Variants in CHCHD3 observed in about 807,000 individuals in gnomAD.
CHCHD3 encodes MICOS complex subunit MIC19.
A neutral mutation model predicts 38.2 loss-of-function variants in CHCHD3; 20 were observed. The observed-to-expected ratio is 0.52, with a 90% CI of 0.37 to 0.76. The LOEUF (loss-of-function observed/expected upper bound fraction) is 0.76, where lower values mean the gene tolerates loss of function less well. Ranked by LOEUF, CHCHD3 falls within the 30% of genes least tolerant of loss-of-function variation. The pLI is 0.00. For missense variants in CHCHD3, 245 were observed against 279.2 expected (o/e 0.88, Z 0.87); for synonymous variants, 82 against 100.0 (o/e 0.82, Z 1.07).
At chr7:132,897,974 C>T (rs1809546386) in intron 4 of CHCHD3, among the ~76,000 whole-genome samples, 1 of 152,020 alleles carries the variant, frequency 6.6e-6, no homozygotes, top group African/African-American at 2.4e-5. Context: ...CTGGCGGGTT[C>T]GTGGTCTCGC....
intron 4 of CHCHD3, among the ~76,000 whole-genome samples, chr7:132,967,159 G>A (rs10250380): frequency 0.01 from 1,580 of 152,294 alleles, 25 homozygotes; most frequent in African/African-American, 0.036. Flanking sequence ...CAAGTAACTT[G>A]ATGAATTTTC....
chr7:132,820,917 C>A (rs1807358616), intron 6 of CHCHD3, among the ~76,000 whole-genome samples: 2 of 152,092 alleles, frequency 1.3e-5, no homozygotes, highest in South Asian at 4.1e-4. Context: ...CTAACAATGG[C>A]TGCATTTTGT....
At position 132,895,877 on chromosome 7, in the gene CHCHD3, T is replaced by G. The variant is rs986482083; in HGVS notation, c.370-10132A>C. Reference sequence around the variant, plus strand: ...ACTACTACAAGAGGATTGTTGGTTGTTTGAGATCAAATACAAAAAGCCTCA... The same window carrying G: ...ACTACTACAAGAGGATTGTTGGTTGGTTGAGATCAAATACAAAAAGCCTCA... On this transcript the variant is annotated intron_variant, in intron 4 of 7. Coordinates refer to ENST00000262570, the MANE Select transcript of CHCHD3 (RefSeq NM_017812.4). Among the ~76,000 whole-genome samples, 4 of 152,232 alleles carry G rather than the reference T, an allele frequency of 2.6e-5. No homozygotes were observed. The East Asian group carries it at 5.8e-4, about 22-fold the overall frequency.
intron 6 of CHCHD3, among the ~76,000 whole-genome samples, chr7:132,820,531 G>A (rs991984945): frequency 9.9e-5 from 15 of 150,804 alleles, no homozygotes; most frequent in Non-Finnish European, 2.1e-4. Flanking sequence ...CTGCACCTGT[G>A]ATTGAGTTAG....
intron 4 of CHCHD3, among the ~76,000 whole-genome samples, chr7:132,954,477 C>T (rs1435023785): frequency 6.6e-6 from 1 of 152,156 alleles, no homozygotes; most frequent in Non-Finnish European, 1.5e-5. Context: ...TTTGTGGACA[C>T]AGGGTCAGGG....
chr7:132,824,476 G>A (rs558185689), intron 6 of CHCHD3, among the ~76,000 whole-genome samples: 23 of 152,054 alleles, frequency 1.5e-4, no homozygotes, highest in Admixed American at 1.4e-3. Context: ...CCGCCACCAC[G>A]CCAGGCTAAT....
At chr7:132,812,200 CTTTTTT>C (rs71529779) in intron 6 of CHCHD3, among the ~76,000 whole-genome samples, 6 of 81,062 alleles carry the variant, frequency 7.4e-5, no homozygotes, top group East Asian at 9.9e-4. Flanking sequence ...TTTTTCTTTT[CTTTTTT>C]TTTTTTTTTT....
chr7:132,815,670 T>C (rs1563243697), intron 6 of CHCHD3: 2 of 449,386 alleles, frequency 4.5e-6, no homozygotes, highest in Non-Finnish European at 8.9e-6. Context: ...AGAGAAAAGA[T>C]ATGAAAATTG....
intron 2 of CHCHD3, among the ~76,000 whole-genome samples, chr7:133,030,533 G>A (rs547325781): frequency 5.1e-4 from 78 of 151,786 alleles, no homozygotes; most frequent in Non-Finnish European, 9.9e-4. Context: ...GAGAAAAGGA[G>A]TAAAAACAAA....
At chr7:133,064,341 A>T (rs1814608322) in intron 2 of CHCHD3, among the ~76,000 whole-genome samples, 1 of 152,234 alleles carries the variant, frequency 6.6e-6, no homozygotes, top group South Asian at 2.1e-4. Context: ...ACTATTAGGA[A>T]CAGTCAGGCA....
chr7:132,825,353 A>C (rs1305209145), intron 6 of CHCHD3, among the ~76,000 whole-genome samples: 1 of 152,228 alleles, frequency 6.6e-6, no homozygotes, highest in Non-Finnish European at 1.5e-5. Flanking sequence ...GAAAGAGTCA[A>C]AATAGGTCTG....
intron 5 of CHCHD3, among the ~76,000 whole-genome samples, chr7:132,846,302 C>T (rs1010230419): frequency 1.3e-5 from 2 of 152,296 alleles, no homozygotes; most frequent in Non-Finnish European, 1.5e-5. Context: ...AGCCTGCAAG[C>T]GGGAGAGAGA....
intron 4 of CHCHD3, among the ~76,000 whole-genome samples, chr7:132,946,521 A>T (rs10954398): frequency 6.6e-6 from 1 of 151,596 alleles, no homozygotes; most frequent in South Asian, 2.1e-4. Flanking sequence ...GGCAAACATT[A>T]AACTTTTATT....
At chr7:132,918,019 G>A (rs889070454) in intron 4 of CHCHD3, among the ~76,000 whole-genome samples, 1 of 152,024 alleles carries the variant, frequency 6.6e-6, no homozygotes, top group Admixed American at 6.6e-5. Context: ...AAAGACATAG[G>A]GACAACACGG....
intron 6 of CHCHD3, among the ~76,000 whole-genome samples, chr7:132,827,451 G>A (rs1337498504): frequency 6.6e-6 from 1 of 152,182 alleles, no homozygotes; most frequent in East Asian, 1.9e-4. Flanking sequence ...GCCTTTGACT[G>A]TGACCTGTCA....
chr7:132,872,205 C>A lies in CHCHD3; in HGVS notation c.453+13457G>T, dbSNP rs1366752644. Among the ~76,000 whole-genome samples the A allele has an allele frequency of 2.6e-5, 4 of 152,166 alleles. No individual in the cohort carries two copies. In the East Asian group the frequency reaches 7.7e-4, roughly 29 times the overall value. ...CTAGGATAGGAGAAACATCTCTGACCTGAAACGAGAGAGTTGAAACAAGTG... is the reference window on the plus strand; with the variant it reads ...CTAGGATAGGAGAAACATCTCTGACATGAAACGAGAGAGTTGAAACAAGTG... On this transcript the variant is annotated intron_variant, in intron 5 of 7. Coordinates refer to ENST00000262570, the MANE Select transcript of CHCHD3 (RefSeq NM_017812.4).
chr7:132,845,734 A>G (rs979128822), intron 5 of CHCHD3, among the ~76,000 whole-genome samples: 7 of 152,186 alleles, frequency 4.6e-5, no homozygotes, highest in Non-Finnish European at 7.3e-5. Context: ...ATCTTGAGGG[A>G]AGAGAATCTC....
intron 5 of CHCHD3, among the ~76,000 whole-genome samples, chr7:132,873,609 A>C (rs1362844734): frequency 6.6e-6 from 1 of 151,882 alleles, no homozygotes; most frequent in Admixed American, 6.6e-5. Flanking sequence ...ACTGACACTG[A>C]TATTACTATT....
intron 4 of CHCHD3, among the ~76,000 whole-genome samples, chr7:132,963,526 C>T (rs1340515139): frequency 1.3e-5 from 2 of 150,178 alleles, no homozygotes; most frequent in Non-Finnish European, 1.5e-5. Flanking sequence ...CAGCTACTCG[C>T]GAGGCTGAGG....
Sources: gnomAD v4.1 joint callset for allele counts (sites outside exome capture counted in the v4.1 genomes callset) on GRCh38, gnomAD v4.1.1 for gene constraint, MANE v1.5 for transcripts, NCBI Gene and HGNC (gene_info 2026-07-23, HGNC 2026-07-21) for gene names.